The following BCAS3 variants were observed in gnomAD, a reference collection of about 807,000 sequenced individuals.
BCAS3 encodes BCAS4/BCAS3 fusion.
A neutral mutation model predicts 116.1 loss-of-function variants in BCAS3; 53 were observed. That is an observed-to-expected ratio of 0.46 (90% CI 0.37 to 0.57). The LOEUF is 0.57. Ranked by LOEUF, BCAS3 falls within the 20% of genes least tolerant of loss-of-function variation. BCAS3 has a pLI of 0.00. For missense variants in BCAS3, 917 were observed against 1,165.4 expected (o/e 0.79, Z 3.10); for synonymous variants, 391 against 408.2 (o/e 0.96, Z 0.51).
chr17:61,277,713 T>C (rs1221339723), intron 22 of BCAS3, among the ~76,000 whole-genome samples: 1 of 152,174 alleles, frequency 6.6e-6, no homozygotes, highest in East Asian at 1.9e-4. Context: ...TCAAAGAAGA[T>C]ACACAATGGC....
chr17:60,722,940 T>C (rs2039410152), intron 5 of BCAS3, among the ~76,000 whole-genome samples: 1 of 151,308 alleles, frequency 6.6e-6, no homozygotes, highest in African/African-American at 2.4e-5. Flanking sequence ...ACTCAGGAGG[T>C]TGAGGGGAGA....
At chr17:60,765,517 C>A (rs901478883) in intron 6 of BCAS3, among the ~76,000 whole-genome samples, 8 of 152,130 alleles carry the variant, frequency 5.3e-5, no homozygotes, top group African/African-American at 1.9e-4. Context: ...TGAATATTGG[C>A]CCCCACTCTC....
intron 7 of BCAS3, among the ~76,000 whole-genome samples, chr17:60,809,339 A>T: frequency 6.6e-6 from 1 of 152,194 alleles, no homozygotes. Context: ...GATGAAAACA[A>T]CTATTGCAGT....
chr17:60,872,806 T>C lies in BCAS3; in HGVS notation c.585-1856T>C, dbSNP rs542822020. Among the ~76,000 whole-genome samples, 4 of 151,620 alleles carry C rather than the reference T, an allele frequency of 2.6e-5. No individual in the cohort carries two copies. In the East Asian group the frequency reaches 7.7e-4, roughly 29 times the overall value. On this transcript the variant is annotated intron_variant, in intron 8 of 23. Transcript: ENST00000407086. The stretch of plus-strand genomic sequence containing the variant: ...ATATATCTGTATGTGTATATCTGTA[T>C]GTATATATCTGTATGTATATACACA...
chr17:61,371,113 G>A (rs1031408395), intron 23 of BCAS3, among the ~76,000 whole-genome samples: 4 of 152,180 alleles, frequency 2.6e-5, no homozygotes, highest in African/African-American at 4.8e-5. Context: ...GGGACCCATG[G>A]CCTCTTTATC....
At chr17:61,042,898 A>AAAAAAAAAAAAAAAAAAG in intron 19 of BCAS3, among the ~76,000 whole-genome samples, 1 of 142,436 alleles carries the variant, frequency 7.0e-6, no homozygotes, top group African/African-American at 2.9e-5. Flanking sequence ...TCACAAAAAA[A>AAAAAAAAAAAAAAAAAAG]AAAAAAAAAA....
chr17:61,267,662 G>A (rs1388494486), intron 22 of BCAS3, among the ~76,000 whole-genome samples: 1 of 147,922 alleles, frequency 6.8e-6, no homozygotes, highest in Non-Finnish European at 1.5e-5. Context: ...CCAGCAGGCA[G>A]AATGAGCCAA....
chr17:61,078,231 C>A, intron 20 of BCAS3, 102 bp from the exon 21 acceptor site: 1 of 883,206 alleles, frequency 1.1e-6, no homozygotes. Context: ...TTAACATGGG[C>A]TTCTTGAAGA....
intron 22 of BCAS3, among the ~76,000 whole-genome samples, chr17:61,329,343 A>ATTATTATTATTT (rs1555831750): frequency 7.6e-5 from 10 of 131,280 alleles, no homozygotes; most frequent in African/African-American, 2.6e-4. Flanking sequence ...TATTATTATT[A>ATTATTATTATTT]TTTTTTTTTT....
intron 13 of BCAS3, among the ~76,000 whole-genome samples, chr17:60,940,066 G>A (rs2060143853): frequency 6.6e-6 from 1 of 152,266 alleles, no homozygotes; most frequent in African/African-American, 2.4e-5. Context: ...TTTAAATAAT[G>A]ATGTTAATAC....
At chr17:61,059,186 C>T (rs562079454) in intron 19 of BCAS3, among the ~76,000 whole-genome samples, 2 of 148,430 alleles carry the variant, frequency 1.3e-5, no homozygotes, top group East Asian at 2.0e-4. Context: ...GGGTTCACAC[C>T]ATTCTCCTGC....
intron 19 of BCAS3, among the ~76,000 whole-genome samples, chr17:61,052,969 G>A (rs989020843): frequency 5.3e-5 from 8 of 151,714 alleles, no homozygotes; most frequent in Non-Finnish European, 8.8e-5. Flanking sequence ...TGCCCGCCTC[G>A]GCCTCCCAAA....
At chr17:61,289,239 T>C (rs71373874) in intron 22 of BCAS3, among the ~76,000 whole-genome samples, 10 of 149,952 alleles carry the variant, frequency 6.7e-5, no homozygotes, top group Non-Finnish European at 1.2e-4. Context: ...AGTGGCGGGG[T>C]GTGGTGGGGG....
At chr17:61,099,102 T>C (rs980352340) in intron 22 of BCAS3, among the ~76,000 whole-genome samples, 3 of 152,004 alleles carry the variant, frequency 2.0e-5, no homozygotes, top group Non-Finnish European at 4.4e-5. Context: ...CCAGCCTGGG[T>C]GACAGAGTGA....
chr17:60,852,326 T>C (rs1408127671), intron 7 of BCAS3, among the ~76,000 whole-genome samples: 1 of 152,138 alleles, frequency 6.6e-6, no homozygotes, highest in Admixed American at 6.5e-5. Flanking sequence ...ACATCGTTGG[T>C]TGTGGTTGTC....
chr17:61,249,913 G>A lies in BCAS3; in HGVS notation c.2426-118414G>A, dbSNP rs1459027878. 6.6e-6 allele frequency among the ~76,000 whole-genome samples: 1 copy of A among 152,096 alleles called. No individual in the cohort carries two copies. Among genetic ancestry groups the A allele is most frequent in the Non-Finnish European group, 1.5e-5 (1 of 68,032 alleles). On this transcript the variant is annotated intron_variant, in intron 22 of 23. Coordinates refer to ENST00000407086, the MANE Select transcript of BCAS3 (RefSeq NM_017679.5). This position sits in a 1 kb window ranked among gnomAD's most constrained non-coding sequence, Gnocchi z 6.2. The stretch of plus-strand genomic sequence containing the variant: ...CTCCCTTTTGAGATGATTTCTTAGG[G>A]TACTAAAATATCACCTGCCCCAGAG...
chr17:60,786,317 T>C (rs991285221), intron 6 of BCAS3, among the ~76,000 whole-genome samples: 4 of 152,206 alleles, frequency 2.6e-5, no homozygotes, highest in Non-Finnish European at 4.4e-5. Flanking sequence ...CTTCGGCTTT[T>C]AGCACCTAAT....
chr17:60,790,196 T>G (rs2046640342), intron 6 of BCAS3, among the ~76,000 whole-genome samples: 1 of 152,230 alleles, frequency 6.6e-6, no homozygotes, highest in Non-Finnish European at 1.5e-5. Context: ...TTTGCTGGAC[T>G]GATATACTTC....
Position 60,825,529 on chromosome 17 carries a change from T to C in BCAS3, c.476+17453T>C, listed in dbSNP as rs1409073570. ...TATTTATAATAATTTATAAATATTA[T>C]AATAATTTATAAATAATTATTTATA... On this transcript the variant is annotated intron_variant, in intron 7 of 23. Transcript: ENST00000407086. Among the ~76,000 whole-genome samples, 20 of 137,466 alleles carry C rather than the reference T, an allele frequency of 1.5e-4. No homozygotes were observed. In the East Asian group the frequency reaches 3.9e-3, roughly 27 times the overall value. The allele number at this position is 137,466 out of a possible 152,430, so 90.2% of individuals were successfully genotyped here.
Sources: gnomAD v4.1 joint callset for allele counts (sites outside exome capture counted in the v4.1 genomes callset) on GRCh38, gnomAD v4.1.1 for gene constraint, Gnocchi (gnomAD v3.1) non-coding constraint, MANE v1.5 for transcripts, NCBI Gene and HGNC (gene_info 2026-07-23, HGNC 2026-07-21) for gene names.